HERC2: variants seen among roughly 807,000 people sequenced by gnomAD.
The protein encoded by HERC2 is HECT and RLD domain containing E3 ubiquitin protein ligase 2, also known as E3 ubiquitin-protein ligase HERC2.
A neutral mutation model predicts 537.7 loss-of-function variants in HERC2; 102 were observed. That is an observed-to-expected ratio of 0.19 (90% CI 0.16 to 0.22). HERC2 has a LOEUF of 0.22. Ranked by LOEUF, HERC2 falls within the 10% of genes least tolerant of loss-of-function variation. The pLI, the probability that HERC2 is intolerant of heterozygous loss-of-function variation, is 1.00. For synonymous variants in HERC2, 2,224 were observed against 2,466.2 expected (o/e 0.90, Z 2.91); for missense variants, 4,236 against 6,198.2 (o/e 0.68, Z 10.63).
Position 28,218,644 on chromosome 15 carries a change from T to C in HERC2, c.5873A>G (p.His1958Arg). The C allele has an allele frequency of 6.3e-7, 1 of 1,587,250 alleles. No homozygotes were observed. Residue 1958 changes from histidine to arginine, a missense_variant, in exon 38 of 93, where the codon CAC becomes CGC. Around this residue, in one of 27 missense-constraint regions of HERC2, gnomAD observed 365 missense variants for 468.8 expected, o/e 0.78. Coordinates refer to ENST00000261609, the MANE Select transcript of HERC2 (RefSeq NM_004667.6). Reference protein sequence around the residue: ...SEAEQTERNIHPTAMMFTSTI... With the variant: ...SEAEQTERNIRPTAMMFTSTI... The stretch of plus-strand genomic sequence containing the variant: ...GCTGGTAAACATCATTGCAGTGGGG[T>C]GAATGTTCCTTTCAGTTTGTTCGGC...
intron 23 of HERC2, among the ~76,000 whole-genome samples, chr15:28,245,307 G>A (rs1903546187): frequency 6.6e-6 from 1 of 152,092 alleles, no homozygotes; most frequent in Non-Finnish European, 1.5e-5. Context: ...AGCGCTTTGG[G>A]AGGCAGAGGC....
Position 28,297,009 on chromosome 15 carries a change from T to C in HERC2, c.187+2393A>G, listed in dbSNP as rs147389120. 2.8e-3 allele frequency among the ~76,000 whole-genome samples: 420 copies of C among 152,356 alleles called. 9 individuals carry two copies. In the East Asian group the frequency reaches 0.06, roughly 22 times the overall value. On this transcript the variant is annotated intron_variant, in intron 3 of 92. Transcript: ENST00000261609. ...AGGTGTTTGTACTTGCTTGCGGGCA[T>C]ACGCACGAAAGATAAAAATGAACAG...
chr15:28,157,764 AT>A (rs1396453336), intron 69 of HERC2, among the ~76,000 whole-genome samples: 4 of 151,688 alleles, frequency 2.6e-5, no homozygotes, highest in Non-Finnish European at 4.4e-5. Flanking sequence ...GATCTTAGTT[AT>A]TTTTTGCCTT....
intron 26 of HERC2, among the ~76,000 whole-genome samples, chr15:28,236,303 C>CTTTTTTT (rs3081985): frequency 3.3e-5 from 5 of 151,676 alleles, no homozygotes; most frequent in East Asian, 2.0e-4. Context: ...TCCGCCTCTC[C>CTTTTTTT]TTTTGAGACG....
chr15:28,247,165 A>T (rs1372900267), intron 21 of HERC2, among the ~76,000 whole-genome samples: 1 of 148,204 alleles, frequency 6.7e-6, no homozygotes, highest in South Asian at 2.1e-4. Context: ...TAATTTAAAG[A>T]TTTTTTTTTT....
intron 7 of HERC2, chr15:28,273,235 G>T (rs536247238): frequency 1.7e-6 from 1 of 577,344 alleles, no homozygotes; most frequent in African/African-American, 1.9e-5. Flanking sequence ...CTATATTACA[G>T]TAGATGACAT....
Position 28,321,224 on chromosome 15 carries a change from T to C in HERC2, c.72+138A>G. ...GCCATAAAGACTGTTACATTTTAAG[T>C]TACAGGAAATAAACCTGCTCCTCTA... On this transcript the variant is annotated intron_variant, in intron 2 of 92. Coordinates refer to ENST00000261609, the MANE Select transcript of HERC2 (RefSeq NM_004667.6). 4.6e-6 allele frequency: 3 copies of C among 645,874 alleles called. 1 individual carries two copies. Among genetic ancestry groups the C allele is most frequent in the South Asian group, 3.5e-5 (2 of 57,794 alleles). 40.0% of individuals were successfully genotyped at this position (645,874 alleles called of 1,614,324 possible). A position where few individuals can be genotyped will look rare whatever the true frequency, so the allele number is the denominator to read the frequency against.
intron 44 of HERC2, among the ~76,000 whole-genome samples, chr15:28,206,689 T>C (rs373090493): frequency 0.012 from 1,821 of 150,844 alleles, 37 homozygotes; most frequent in African/African-American, 0.038. Context: ...AAACATTAGC[T>C]GGGCATGGTG....
intron 2 of HERC2, among the ~76,000 whole-genome samples, chr15:28,310,761 C>G (rs2076919376): frequency 6.6e-6 from 1 of 152,048 alleles, no homozygotes; most frequent in Non-Finnish European, 1.5e-5. Context: ...TTTCAGAAAA[C>G]AGAAACAGAG....
chr15:28,150,707 A>C (rs1390232768), intron 70 of HERC2, among the ~76,000 whole-genome samples: 1 of 151,358 alleles, frequency 6.6e-6, no homozygotes, highest in Non-Finnish European at 1.5e-5. Flanking sequence ...TACAGAAAAA[A>C]CACACGCGGC....
intron 2 of HERC2, among the ~76,000 whole-genome samples, chr15:28,310,539 T>G (rs532930365): frequency 9.8e-5 from 15 of 152,306 alleles, no homozygotes; most frequent in African/African-American, 3.1e-4. Flanking sequence ...GAAGTTTAAC[T>G]AGTGAATGGA....
rs554972627 is a variant in HERC2 at position 28,177,983 on chromosome 15, T to C, written c.9164-474A>G. Among the ~76,000 whole-genome samples the C allele has an allele frequency of 1.1e-4, 17 of 152,232 alleles. No homozygotes were observed. The highest frequency in any genetic ancestry group is 1.8e-4 in the Non-Finnish European group (12 of 68,052). ...TATGCTCTTTCCCCAGCATGGAATA[T>C]TCTCAAAGTCCATACAACCTGCCTC... On this transcript the variant is annotated intron_variant, in intron 59 of 92. Coordinates refer to ENST00000261609, the MANE Select transcript of HERC2 (RefSeq NM_004667.6). The surrounding 1 kb of genome is among the most constrained non-coding windows in gnomAD (Gnocchi z 5.0).
chr15:28,237,042 A>G lies in HERC2; in HGVS notation c.3924T>C (p.Asn1308=), dbSNP rs1407471556. ...CGTGTAATCCGAGAAGCAGGCCCAGATTCCTCTCTGTGTCTATCAGAGGTG... is the reference window on the plus strand; with the variant it reads ...CGTGTAATCCGAGAAGCAGGCCCAGGTTCCTCTCTGTGTCTATCAGAGGTG... ...LSSPLIDTER[N]LGLLLGLHAS... is the part of the protein sequence containing the mutation. The change falls in exon 26 of 93, where the codon AAT becomes AAC. Residue 1308 remains asparagine (N), a synonymous_variant. Coordinates refer to ENST00000261609, the MANE Select transcript of HERC2 (RefSeq NM_004667.6). 1 of 1,610,702 alleles carries G rather than the reference A, an allele frequency of 6.2e-7. No homozygotes were observed. Among genetic ancestry groups the G allele is most frequent in the Admixed American group, 1.7e-5 (1 of 59,996 alleles).
At chr15:28,147,388 G>C (rs2142292691) in intron 70 of HERC2, among the ~76,000 whole-genome samples, 1 of 152,324 alleles carries the variant, frequency 6.6e-6, no homozygotes, top group South Asian at 2.1e-4. Flanking sequence ...TAGCACTTCG[G>C]GAGGCCGAGG....
chr15:28,193,359 TAATG>T (rs1897031484), intron 52 of HERC2, among the ~76,000 whole-genome samples: 1 of 152,160 alleles, frequency 6.6e-6, no homozygotes, highest in Non-Finnish European at 1.5e-5. Context: ...ATTAAGAACT[TAATG>T]AGTAAGTTTA....
chr15:28,117,248 G>A (rs1888362208), intron 86 of HERC2, 94 bp from the exon 87 acceptor site: 2 of 1,262,992 alleles, frequency 1.6e-6, no homozygotes, highest in East Asian at 4.7e-5. Flanking sequence ...ACGAGGAGGA[G>A]GCACCGTGCA....
At chr15:28,197,264 GTTTA>G (rs1323998919) in intron 50 of HERC2, among the ~76,000 whole-genome samples, 1 of 152,180 alleles carries the variant, frequency 6.6e-6, no homozygotes, top group Non-Finnish European at 1.5e-5. Flanking sequence ...GGCATCAAGA[GTTTA>G]TAAAACTATA....
chr15:28,252,586 T>C (rs555371292), intron 20 of HERC2, among the ~76,000 whole-genome samples: 16 of 152,314 alleles, frequency 1.1e-4, no homozygotes, highest in Middle Eastern at 3.4e-3. Flanking sequence ...CTTATTCCTA[T>C]AGTTACTGTG....
At chr15:28,213,668 C>T (rs1899522878) in intron 42 of HERC2, 74 bp downstream of exon 42, 1 of 1,606,912 alleles carries the variant, frequency 6.2e-7, no homozygotes, top group African/African-American at 1.3e-5. Context: ...CTTTCAAGTG[C>T]TGATGCTGGT....
Sources: gnomAD v4.1 joint callset for allele counts (sites outside exome capture counted in the v4.1 genomes callset) on GRCh38, gnomAD v4.1.1 for gene constraint, gnomAD v4.1.1 regional missense constraint, Gnocchi (gnomAD v3.1) non-coding constraint, MANE v1.5 for transcripts, NCBI Gene and HGNC (gene_info 2026-07-23, HGNC 2026-07-21) for gene names.